TLN2: variants seen among roughly 807,000 people sequenced by gnomAD.
The protein encoded by TLN2 is talin-2.
TLN2 carries 118 observed loss-of-function variants against 294.7 expected under a neutral mutation model. The ratio of observed to expected loss-of-function variants is 0.40; its 90% CI spans 0.34 to 0.47. TLN2 has a LOEUF of 0.47. TLN2 is among the 20% of genes least tolerant of loss of function. The pLI is 0.84. For missense variants in TLN2, 3,083 were observed against 3,282.2 expected, an observed-to-expected ratio of 0.94 and a Z score of 1.48; for synonymous variants, 1,431 against 1,304.5, an observed-to-expected ratio of 1.10 and a Z score of -2.09.
At chr15:62,626,532 A>G (rs1373014977) in intron 3 of TLN2, among the ~76,000 whole-genome samples, 1 of 152,152 alleles carries the variant, frequency 6.6e-6, no homozygotes, top group East Asian at 1.9e-4. Context: ...TATATCCTCA[A>G]TCCTTTGAAG....
intron 1 of TLN2, among the ~76,000 whole-genome samples, chr15:62,431,627 A>G (rs2035016452): frequency 6.6e-6 from 1 of 152,208 alleles, no homozygotes; most frequent in South Asian, 2.1e-4. Flanking sequence ...TTGATTTGGT[A>G]GTTTAAGTTT....
rs559291611 is a variant in TLN2, at chr15:62,561,168, G to A, written c.-237-28519G>A. Reference sequence around the variant, plus strand: ...TTATTTTGAGTGGCGGGAATAATAGGACTTGCACCTAATCAAGGAAAGGAA... The same window carrying A: ...TTATTTTGAGTGGCGGGAATAATAGAACTTGCACCTAATCAAGGAAAGGAA... On this transcript the variant is annotated intron_variant, in intron 1 of 58. Coordinates refer to ENST00000636159, the MANE Select transcript of TLN2 (RefSeq NM_015059.3). 3.3e-4 allele frequency among the ~76,000 whole-genome samples: 50 copies of A among 152,342 alleles called. 1 individual carries two copies. The South Asian group carries it at 1.0e-2, about 30-fold the overall frequency.
intron 1 of TLN2, among the ~76,000 whole-genome samples, chr15:62,493,020 A>T (rs2038831559): frequency 6.6e-6 from 1 of 152,134 alleles, no homozygotes; most frequent in South Asian, 2.1e-4. Context: ...GGAGGGATTG[A>T]AAATCTGGAA....
At position 62,653,265 on chromosome 15, in the gene TLN2, T is replaced by C. The variant is rs1013642664; in HGVS notation, c.468T>C (p.Asp156=). The change falls in exon 7 of 59, where the codon GAT becomes GAC. Residue 156 remains aspartate, a synonymous_variant. Transcript: ENST00000636159. Reference sequence around the variant, plus strand: ...AAAAAGACAGGACACTGTTACGAGATGAGAGGAAAATGGAGAAGTTGAAGG... The same window carrying C: ...AAAAAGACAGGACACTGTTACGAGACGAGAGGAAAATGGAGAAGTTGAAGG... ...TLKKDRTLLR[D]ERKMEKLKAK... The C allele has an allele frequency of 6.8e-6, 11 of 1,613,346 alleles. No homozygotes were observed. The highest frequency in any genetic ancestry group is 7.6e-6 in the Non-Finnish European group (9 of 1,179,876).
chr15:62,570,510 T>C (rs1351253161), intron 1 of TLN2, among the ~76,000 whole-genome samples: 3 of 152,222 alleles, frequency 2.0e-5, no homozygotes, highest in African/African-American at 7.2e-5. Context: ...CTCTTTCTCC[T>C]TTCTTGTCCG....
intron 1 of TLN2, among the ~76,000 whole-genome samples, chr15:62,452,388 A>C (rs116212707): frequency 0.015 from 2,209 of 152,328 alleles, 44 homozygotes; most frequent in African/African-American, 0.051. Context: ...AAGAGAGAGA[A>C]AGACCTGGCT....
intron 1 of TLN2, among the ~76,000 whole-genome samples, chr15:62,579,374 G>A (rs2044712666): frequency 6.6e-6 from 1 of 152,172 alleles, no homozygotes; most frequent in East Asian, 1.9e-4. Flanking sequence ...GCCAAGTGGT[G>A]ACAGGTTCTT....
At chr15:62,496,445 A>C (rs2039022580) in intron 1 of TLN2, among the ~76,000 whole-genome samples, 2 of 152,186 alleles carry the variant, frequency 1.3e-5, no homozygotes, top group African/African-American at 4.8e-5. Flanking sequence ...ACCCGTGACT[A>C]GGATGGGTGT....
Position 62,796,190 on chromosome 15 carries a change from G to A in TLN2, c.5947G>A (p.Ala1983Thr), listed in dbSNP as rs762774877. 25 of 1,614,074 alleles carry A rather than the reference G, an allele frequency of 1.5e-5. No individual in the cohort carries two copies. The highest frequency in any genetic ancestry group is 4.0e-5 in the African/African-American group (3 of 74,910). The change falls in exon 47 of 59, where the codon GCC (alanine) becomes ACC (threonine). Residue 1983 changes from alanine (A) to threonine (T), a missense_variant. Ala to Thr is a moderately conservative substitution (Grantham distance 58). Coordinates refer to ENST00000636159, the MANE Select transcript of TLN2 (RefSeq NM_015059.3). Reference sequence around the variant, plus strand: ...AGGAACCCAGGCATGCATTACAGCCGCCACCGCTGTGTCTGGGATCATTGC... The same window carrying A: ...AGGAACCCAGGCATGCATTACAGCCACCACCGCTGTGTCTGGGATCATTGC... ...NKGTQACITAATAVSGIIADL... is the reference protein window; with the variant it reads ...NKGTQACITATTAVSGIIADL...
intron 1 of TLN2, among the ~76,000 whole-genome samples, chr15:62,413,614 C>T (rs1482784249): frequency 2.0e-5 from 3 of 152,104 alleles, no homozygotes; most frequent in South Asian, 2.1e-4. Context: ...AAAGTCATGG[C>T]GTGAATTTAT....
At chr15:62,676,327 C>G (rs1043757453) in intron 11 of TLN2, among the ~76,000 whole-genome samples, 7 of 152,176 alleles carry the variant, frequency 4.6e-5, no homozygotes, top group African/African-American at 1.7e-4. Flanking sequence ...ATACATTAAC[C>G]AAACTAGCTC....
intron 15 of TLN2, among the ~76,000 whole-genome samples, chr15:62,698,421 G>C (rs990839728): frequency 6.6e-6 from 1 of 152,224 alleles, no homozygotes; most frequent in Admixed American, 6.5e-5. Flanking sequence ...CGTGTTTCCT[G>C]TGCGTGAGGA....
intron 1 of TLN2, among the ~76,000 whole-genome samples, chr15:62,498,083 G>A (rs938493697): frequency 2.7e-4 from 35 of 129,868 alleles, no homozygotes; most frequent in African/African-American, 8.9e-4. Context: ...CTTTTGGTAC[G>A]AAAAGTACAA....
At chr15:62,810,054 G>C (rs1236797655) in intron 52 of TLN2, 22 bp downstream of exon 52, 9 of 1,593,232 alleles carry the variant, frequency 5.6e-6, no homozygotes, top group Non-Finnish European at 7.7e-6. Context: ...CATGAGTCAG[G>C]GCTGGGGAGT....
At chr15:62,575,872 G>A (rs555152720) in intron 1 of TLN2, among the ~76,000 whole-genome samples, 23 of 152,264 alleles carry the variant, frequency 1.5e-4, no homozygotes, top group Non-Finnish European at 2.9e-4. Context: ...CCTGCCTTGC[G>A]GTAGAATCAT....
At chr15:62,620,942 T>C (rs2048765750) in intron 3 of TLN2, among the ~76,000 whole-genome samples, 1 of 150,346 alleles carries the variant, frequency 6.7e-6, no homozygotes, top group Non-Finnish European at 1.5e-5. Flanking sequence ...GGGTTCACAC[T>C]GTTCTCCTGC....
chr15:62,696,807 C>T (rs184125574), intron 14 of TLN2, among the ~76,000 whole-genome samples: 1 of 152,306 alleles, frequency 6.6e-6, no homozygotes, highest in Non-Finnish European at 1.5e-5. Flanking sequence ...TCCAAAGCCT[C>T]ACATGGTTGA....
In TLN2 at chr15:62,800,748, A is replaced by G. The variant is rs770947375; in HGVS notation, c.6456A>G (p.Glu2152=). The change falls in exon 50 of 59, where the codon GAA becomes GAG. Residue 2152 remains glutamate, a synonymous_variant. Transcript: ENST00000636159. ...RGTRALEATI[E]CIKQELTVFQ... is the part of the protein sequence containing the mutation. ...CCAGGGCGCTTGAGGCCACAATTGA[A>G]TGCATAAAGCAGGAGCTTACGGTAA... is the stretch of plus-strand genomic sequence containing the variant. The G allele has an allele frequency of 5.6e-6, 9 of 1,612,772 alleles. No individual in the cohort carries two copies. Among genetic ancestry groups the G allele is most frequent in the Non-Finnish European group, 7.6e-6 (9 of 1,179,468 alleles).
intron 1 of TLN2, among the ~76,000 whole-genome samples, chr15:62,478,281 T>C (rs763739321): frequency 3.3e-4 from 50 of 152,312 alleles, no homozygotes; most frequent in Non-Finnish European, 6.5e-4. Flanking sequence ...CCCTGCATCA[T>C]GACTAGAAGT....
Sources: gnomAD v4.1 joint callset for allele counts (sites outside exome capture counted in the v4.1 genomes callset) on GRCh38, gnomAD v4.1.1 for gene constraint, MANE v1.5 for transcripts, NCBI Gene and HGNC (gene_info 2026-07-23, HGNC 2026-07-21) for gene names.